PLSCR5: variants seen among roughly 807,000 people sequenced by gnomAD.
The protein encoded by PLSCR5 is phospholipid scramblase family member 5, also known as phospholipid scramblase family, member 5.
In PLSCR5, 44 loss-of-function variants were observed where a neutral mutation model predicts 33.6. That is an observed-to-expected ratio of 1.31 (90% CI 1.03 to 1.69). The LOEUF (loss-of-function observed/expected upper bound fraction) is 1.69, where lower values mean the gene tolerates loss of function less well. PLSCR5 is among the 40% of genes most tolerant of loss of function. The pLI, the probability that PLSCR5 is intolerant of heterozygous loss-of-function variation, is 0.00. For synonymous variants in PLSCR5, 148 were observed against 112.3 expected (o/e 1.32, Z -2.01); for missense variants, 375 against 318.7 (o/e 1.18, Z -1.34).
At chr3:146,583,166 T>G (rs2044644988), downstream of PLSCR5, among the ~76,000 whole-genome samples, 1 of 152,190 alleles carries the variant, frequency 6.6e-6, no homozygotes, top group African/African-American at 2.4e-5. Context: ...TATCTTAGCA[T>G]CTTGTCCCTC....
intron 5 of PLSCR5, among the ~76,000 whole-genome samples, chr3:146,590,987 G>GTTTTTTTTTTT (rs376959020): frequency 1.1e-5 from 1 of 88,094 alleles, no homozygotes; most frequent in African/African-American, 4.9e-5. Context: ...CGAGAATAAG[G>GTTTTTTTTTTT]TTTTTTTTTG....
intron 6 of PLSCR5, among the ~76,000 whole-genome samples, chr3:146,587,077 A>G (rs894816674): frequency 6.6e-6 from 1 of 152,208 alleles, no homozygotes; most frequent in Non-Finnish European, 1.5e-5. Context: ...TTAGGGTATT[A>G]TCTAGATCAG....
At chr3:146,584,598 T>C (rs2044654427), downstream of PLSCR5, among the ~76,000 whole-genome samples, 1 of 152,162 alleles carries the variant, frequency 6.6e-6, no homozygotes, top group Non-Finnish European at 1.5e-5. Flanking sequence ...ATTGAGGCAA[T>C]GTATATTCTT....
At chr3:146,603,233 A>G (rs919863516) in intron 1 of PLSCR5, among the ~76,000 whole-genome samples, 2 of 152,142 alleles carry the variant, frequency 1.3e-5, no homozygotes, top group East Asian at 1.9e-4. Flanking sequence ...CTAATTGCCA[A>G]TATAGTTACT....
At chr3:146,590,092 C>A in intron 5 of PLSCR5, 1 of 219,066 alleles carries the variant, frequency 4.6e-6, no homozygotes, top group Non-Finnish European at 8.9e-6. Flanking sequence ...ATAATTAAGG[C>A]TCAGCCACCA....
chr3:146,595,062 G>T lies in PLSCR5; in HGVS notation c.211C>A (p.Gln71Lys). ...LSQLDLIIIHQQVELLGMILG... is the reference protein window; with the variant it reads ...LSQLDLIIIHKQVELLGMILG... ...TTACTTCCAAGCAGCTCCACCTGCTGGTGTATAATTATCAGGTCTAACTGT... is the reference window on the plus strand; with the variant it reads ...TTACTTCCAAGCAGCTCCACCTGCTTGTGTATAATTATCAGGTCTAACTGT... The change falls in exon 3 of 8, where the codon CAG becomes AAG. Residue 71 changes from glutamine to lysine, a missense_variant. By Grantham distance (53) the Gln-to-Lys change is moderately conservative. Transcript: ENST00000443512. 1 of 1,431,570 alleles carries T rather than the reference G, an allele frequency of 7.0e-7. No homozygotes were observed. The highest frequency in any genetic ancestry group is 1.6e-5 in the South Asian group (1 of 60,728). 88.7% of individuals were successfully genotyped at this position (1,431,570 alleles called of 1,614,324 possible). A position where few individuals can be genotyped will look rare whatever the true frequency, so the allele number is the denominator to read the frequency against.
At chr3:146,589,562 T>G in intron 6 of PLSCR5, 91 bp downstream of exon 6, 1 of 1,205,380 alleles carries the variant, frequency 8.3e-7, no homozygotes, top group South Asian at 2.5e-5. Flanking sequence ...TCTTTGGGGG[T>G]AAAAACTGTG....
intron 2 of PLSCR5, among the ~76,000 whole-genome samples, chr3:146,596,039 C>T (rs1407854312): frequency 6.6e-6 from 1 of 151,860 alleles, no homozygotes; most frequent in Non-Finnish European, 1.5e-5. Flanking sequence ...CAAGATTTGA[C>T]TTATGTAATT....
At chr3:146,598,287 A>G (rs68009171) in intron 2 of PLSCR5, among the ~76,000 whole-genome samples, 43,276 of 152,050 alleles carry the variant, frequency 0.28, 6,311 homozygotes, top group African/African-American at 0.36. Flanking sequence ...AAAAGTTGGC[A>G]TCTAAAAATT....
At chr3:146,590,581 A>C (rs2044705311) in intron 5 of PLSCR5, among the ~76,000 whole-genome samples, 1 of 152,044 alleles carries the variant, frequency 6.6e-6, no homozygotes, top group South Asian at 2.1e-4. Flanking sequence ...AGAAACTATC[A>C]CTTTTTTCAG....
At chr3:146,597,906 T>A (rs2044775263) in intron 2 of PLSCR5, among the ~76,000 whole-genome samples, 1 of 152,160 alleles carries the variant, frequency 6.6e-6, no homozygotes, top group African/African-American at 2.4e-5. Context: ...TATTTACATG[T>A]TTTGTAGACT....
chr3:146,604,098 T>A (rs1402389343), intron 1 of PLSCR5, among the ~76,000 whole-genome samples: 1 of 152,138 alleles, frequency 6.6e-6, no homozygotes, highest in African/African-American at 2.4e-5. Context: ...TTTAGGATAT[T>A]ACAAATTGAT....
At chr3:146,593,840 A>C in intron 4 of PLSCR5, 80 bp downstream of exon 4, 1 of 1,345,948 alleles carries the variant, frequency 7.4e-7, no homozygotes, top group Non-Finnish European at 1.1e-6. Flanking sequence ...TAATTGCCTC[A>C]TTGCTCCAGA....
downstream of PLSCR5, among the ~76,000 whole-genome samples, chr3:146,580,927 A>G (rs574985217): frequency 1.3e-5 from 2 of 152,298 alleles, no homozygotes; most frequent in South Asian, 4.1e-4. Context: ...TCATCCTTCT[A>G]GGAAAGAATT....
chr3:146,589,374 A>G (rs919242956), intron 6 of PLSCR5, among the ~76,000 whole-genome samples: 1 of 152,154 alleles, frequency 6.6e-6, no homozygotes, highest in Non-Finnish European at 1.5e-5. Flanking sequence ...ATTGAACGTA[A>G]AAGCAAGGGG....
rs1560108562 is a variant in PLSCR5 at position 146,594,128 on chromosome 3, G to A, written c.245C>T (p.Thr82Ile). 7 of 1,611,534 alleles carry A rather than the reference G, an allele frequency of 4.3e-6. No individual in the cohort carries two copies. The highest frequency in any genetic ancestry group is 5.9e-6 in the Non-Finnish European group (7 of 1,178,474). ...QVELLGMILGTETSNKYEIKN... is the reference protein window; with the variant it reads ...QVELLGMILGIETSNKYEIKN... ...AATCTCATATTTGTTGGAGGTCTCAGTACCAAGTATCACTAATGGAACAAA... is the reference window on the plus strand; with the variant it reads ...AATCTCATATTTGTTGGAGGTCTCAATACCAAGTATCACTAATGGAACAAA... The change falls in exon 4 of 8, where the codon ACT (threonine) becomes ATT (isoleucine). Residue 82 changes from threonine to isoleucine, a missense_variant. By Grantham distance (89) the Thr-to-Ile change is moderately conservative (BLOSUM62 -1). Transcript: ENST00000443512.
chr3:146,578,452 C>A (rs1386420141), intron 7 of PLSCR5, among the ~76,000 whole-genome samples: 3 of 151,034 alleles, frequency 2.0e-5, no homozygotes, highest in Non-Finnish European at 4.4e-5. Flanking sequence ...AAAAGCATCT[C>A]TCCCCTAGTT....
Position 146,591,853 on chromosome 3 carries a change from A to G in PLSCR5, c.482T>C (p.Ile161Thr). 1.2e-6 allele frequency: 2 copies of G among 1,611,038 alleles called. No individual in the cohort carries two copies. The highest frequency in any genetic ancestry group is 1.1e-5 in the South Asian group (1 of 90,428). The change falls in exon 5 of 8, where the codon ATA becomes ACA. Residue 161 changes from isoleucine to threonine, a missense_variant. Physicochemically the swap from Ile to Thr is moderately conservative, Grantham distance 89. Transcript: ENST00000443512. The part of the protein sequence containing the change: ...ELEIQAPPGT[I>T]VGYVTQKWDP... ...CCACTTCTGCGTAACGTAACCAACT[A>G]TAGTACCAGGAGGGGCTTGGATTTC... is the stretch of plus-strand genomic sequence containing the variant.
At position 146,586,171 on chromosome 3, in the gene PLSCR5, A is replaced by G. The variant is rs16858568; in HGVS notation, c.778-59T>C. On this transcript the variant is annotated intron_variant, in intron 6 of 7. Transcript: ENST00000443512. Reference sequence around the variant, plus strand: ...ACAAAAAGACAACAATTAAGATCAAAAGTTTGACATGCAAGCTTTGATTAT... The same window carrying G: ...ACAAAAAGACAACAATTAAGATCAAGAGTTTGACATGCAAGCTTTGATTAT... 2.6e-3 allele frequency: 3,635 copies of G among 1,381,028 alleles called. 101 individuals carry two copies. The African/African-American group carries it at 0.05, about 19-fold the overall frequency. 85.5% of individuals were successfully genotyped at this position (1,381,028 alleles called of 1,614,324 possible).
Sources: allele counts gnomAD v4.1 joint callset (sites outside exome capture counted in the v4.1 genomes callset), GRCh38; gene constraint gnomAD v4.1.1; transcripts MANE v1.5; gene names NCBI Gene and HGNC (gene_info 2026-07-23, HGNC 2026-07-21).